DOCK7: variants seen among roughly 807,000 people sequenced by gnomAD.
DOCK7 encodes the protein dedicator of cytokinesis 7.
DOCK7 carries 138 observed loss-of-function variants against 271.0 expected under a neutral mutation model. The ratio of observed to expected loss-of-function variants is 0.51; its 90% CI spans 0.44 to 0.59. The LOEUF is 0.59. Ranked by LOEUF, DOCK7 falls within the 20% of genes least tolerant of loss-of-function variation. The pLI is 0.00. For missense variants in DOCK7, 2,066 were observed against 2,592.4 expected, an observed-to-expected ratio of 0.80 and a Z score of 4.41; for synonymous variants, 823 against 876.1, an observed-to-expected ratio of 0.94 and a Z score of 1.07.
rs1392153235 is a variant in DOCK7 at position 62,661,515 on chromosome 1, TA to T, written c.144+1509del. ...TATTATACATATATAAATATTTTTT[TA>T]AATTCAATTTTTTTCTAATTCAGCG... On this transcript the variant is annotated intron_variant, in intron 2 of 49. Coordinates refer to ENST00000635253, the MANE Select transcript of DOCK7 (RefSeq NM_001367561.1). Among the ~76,000 whole-genome samples the T allele has an allele frequency of 1.4e-4, 21 of 152,136 alleles. No homozygotes were observed. In the East Asian group the frequency reaches 4.0e-3, roughly 29 times the overall value.
At chr1:62,480,612 G>A (rs2149267627) in intron 43 of DOCK7, among the ~76,000 whole-genome samples, 1 of 152,316 alleles carries the variant, frequency 6.6e-6, no homozygotes. Flanking sequence ...CTGATAGAGG[G>A]TCAGGGGAAG....
chr1:62,602,662 CA>C (rs1412823821), intron 14 of DOCK7, among the ~76,000 whole-genome samples: 1 of 151,506 alleles, frequency 6.6e-6, no homozygotes, highest in Non-Finnish European at 1.5e-5. Context: ...TTATTAAAGA[CA>C]ATTTTGATTA....
At chr1:62,487,670 C>A in intron 42 of DOCK7, 1 of 375,642 alleles carries the variant, frequency 2.7e-6, no homozygotes, top group Non-Finnish European at 4.9e-6. Context: ...CAGCTTGTTC[C>A]ATTTACATGT....
At chr1:62,521,682 A>G (rs1278067207) in intron 31 of DOCK7, among the ~76,000 whole-genome samples, 1 of 152,236 alleles carries the variant, frequency 6.6e-6, no homozygotes, top group Non-Finnish European at 1.5e-5. Context: ...TACAAAAATC[A>G]GTTGTTAAGA....
chr1:62,593,395 C>A (rs924342463), intron 14 of DOCK7, among the ~76,000 whole-genome samples: 1 of 151,982 alleles, frequency 6.6e-6, no homozygotes, highest in Non-Finnish European at 1.5e-5. Context: ...CATGGTGAAA[C>A]CCCGTCTCTA....
At chr1:62,490,954 A>G (rs1245934607) in intron 41 of DOCK7, among the ~76,000 whole-genome samples, 2 of 152,228 alleles carry the variant, frequency 1.3e-5, no homozygotes, top group African/African-American at 4.8e-5. Context: ...AATTGCCAAT[A>G]ATGATGAAAA....
chr1:62,590,148 G>A (rs913204453), intron 14 of DOCK7, among the ~76,000 whole-genome samples: 1 of 152,042 alleles, frequency 6.6e-6, no homozygotes, highest in South Asian at 2.1e-4. Context: ...AAAATTCAAC[G>A]GGATTTAGCA....
chr1:62,658,960 GAA>G (rs200716285), intron 2 of DOCK7, among the ~76,000 whole-genome samples: 1 of 71,196 alleles, frequency 1.4e-5, no homozygotes. Flanking sequence ...TCTCAAAAGA[GAA>G]AAAAAAAAAA....
intron 41 of DOCK7, among the ~76,000 whole-genome samples, chr1:62,490,127 G>C (rs1162282671): frequency 6.8e-6 from 1 of 147,660 alleles, no homozygotes; most frequent in Non-Finnish European, 1.5e-5. Context: ...TTGGAGTGCA[G>C]TGGTGTGATC....
Position 62,457,676 on chromosome 1 carries a change from C to T in DOCK7, c.6242G>A (p.Ser2081Asn), listed in dbSNP as rs1281145258. The T allele has an allele frequency of 6.2e-7, 1 of 1,613,582 alleles. No individual in the cohort carries two copies. ...RCEDALRKNK[S>N]LIGPDQKEYQ... ...CTCCTTTTGATCCGGCCCAATTAAG[C>T]TCTTATTTTTTCTTAAGGCATCTTC... The change falls in exon 49 of 50, where the codon AGC becomes AAC. Residue 2081 changes from serine (S) to asparagine (N), a missense_variant. Transcript: ENST00000635253.
intron 43 of DOCK7, chr1:62,485,572 A>G: frequency 2.0e-6 from 2 of 985,464 alleles, no homozygotes; most frequent in Non-Finnish European, 2.4e-6. Flanking sequence ...CTAGAAAATT[A>G]GCTAGGAAAC....
rs771929381 is a variant in DOCK7 at position 62,618,682 on chromosome 1, A to T, written c.1682+24T>A. 1.9e-6 allele frequency: 3 copies of T among 1,590,026 alleles called. No homozygotes were observed. The South Asian group carries it at 3.3e-5, about 18-fold the overall frequency. Reference sequence around the variant, plus strand: ...AGAATATACAGTATCTTCTATCAGAATTCTCCAAATTAAAATCTCTTACCT... The same window carrying T: ...AGAATATACAGTATCTTCTATCAGATTTCTCCAAATTAAAATCTCTTACCT... On this transcript the variant is annotated intron_variant, in intron 14 of 49. Coordinates refer to ENST00000635253, the MANE Select transcript of DOCK7 (RefSeq NM_001367561.1).
chr1:62,662,562 A>G (rs1571938818), intron 2 of DOCK7, among the ~76,000 whole-genome samples: 1 of 152,240 alleles, frequency 6.6e-6, no homozygotes, highest in Admixed American at 6.5e-5. Context: ...GGAGTTCAAG[A>G]CCAGCCTGGC....
chr1:62,458,623 C>A (rs1425629428), intron 48 of DOCK7: 2 of 152,166 alleles, frequency 1.3e-5, no homozygotes, highest in Non-Finnish European at 2.9e-5. Context: ...ACCTCTGCCT[C>A]CCAGGTTCAA....
intron 33 of DOCK7, chr1:62,510,934 C>T (rs1644464570): frequency 5.6e-6 from 2 of 357,496 alleles, no homozygotes; most frequent in Middle Eastern, 8.3e-4. Flanking sequence ...CATTGGTTTG[C>T]TTAAAATCTT....
At chr1:62,559,651 A>G (rs1298090548) in intron 19 of DOCK7, among the ~76,000 whole-genome samples, 2 of 152,096 alleles carry the variant, frequency 1.3e-5, no homozygotes, top group Non-Finnish European at 2.9e-5. Flanking sequence ...AATAAAATCT[A>G]TATACTACCA....
At chr1:62,584,395 T>C in intron 15 of DOCK7, 1 of 989,838 alleles carries the variant, frequency 1.0e-6, no homozygotes, top group Non-Finnish European at 1.2e-6. Flanking sequence ...TTAGGACCCA[T>C]TTAAACAGCC....
At chr1:62,488,770 T>C (rs1646370558) in intron 42 of DOCK7, 164 bp downstream of exon 42, 1 of 855,402 alleles carries the variant, frequency 1.2e-6, no homozygotes, top group Admixed American at 2.0e-5. Flanking sequence ...TTTTTATTGT[T>C]AATGAGCTTT....
chr1:62,496,267 AT>A (rs1320693216), intron 38 of DOCK7, 71 bp downstream of exon 38: 1 of 1,571,532 alleles, frequency 6.4e-7, no homozygotes, highest in African/African-American at 1.4e-5. Context: ...TCAACTTTTG[AT>A]TTAACAATTT....
Sources: allele counts gnomAD v4.1 joint callset (sites outside exome capture counted in the v4.1 genomes callset), GRCh38; gene constraint gnomAD v4.1.1; transcripts MANE v1.5; gene names NCBI Gene and HGNC (gene_info 2026-07-23, HGNC 2026-07-21).